NOC2L: variants seen among roughly 807,000 people sequenced by gnomAD.
NOC2L encodes NOC2 like nucleolar associated transcriptional repressor, also known as nucleolar complex protein 2 homolog.
NOC2L carries 101 observed loss-of-function variants against 94.2 expected under a neutral mutation model. The ratio of observed to expected loss-of-function variants is 1.07; its 90% CI spans 0.91 to 1.26. The LOEUF (loss-of-function observed/expected upper bound fraction) is 1.26. NOC2L is among the 50% of genes most tolerant of loss of function. The pLI is 0.00. For synonymous variants in NOC2L, 531 were observed against 413.4 expected (o/e 1.28, Z -3.45); for missense variants, 1,076 against 980.1 (o/e 1.10, Z -1.31).
At chr1:951,795 T>C (rs755005756) in intron 11 of NOC2L, among the ~76,000 whole-genome samples, 2 of 152,246 alleles carry the variant, frequency 1.3e-5, no homozygotes, top group African/African-American at 2.4e-5. Flanking sequence ...GAGGAGCTCA[T>C]GTCACAGGTG....
At position 952,544 on chromosome 1, in the gene NOC2L, GGGGAGGGCACCAGGCGAGGT is replaced by G. The variant is rs1557620216; in HGVS notation, c.1039_1058del (p.Thr347LeufsTer244). The G allele has an allele frequency of 6.2e-7, 1 of 1,613,924 alleles. No homozygotes were observed. Among genetic ancestry groups the G allele is most frequent in the East Asian group, 2.2e-5 (1 of 44,890 alleles). On this transcript the variant is annotated frameshift_variant, in exon 10 of 19. Transcript: ENST00000327044. LOFTEE classifies it high-confidence loss of function. Reference sequence around the variant, plus strand: ...AGGTCCACTGCATGAAACTGATGAAGGGGAGGGCACCAGGCGAGGTGAACTTGCAGTTCCTCACATACGTG... The same window carrying G: ...AGGTCCACTGCATGAAACTGATGAAGGAACTTGCAGTTCCTCACATACGTG...
rs1193545338 is a variant in NOC2L, at chr1:944,478, C to G, written c.*216G>C. On this transcript the variant is annotated 3_prime_UTR_variant, in exon 19 of 19. Coordinates refer to ENST00000327044, the MANE Select transcript of NOC2L (RefSeq NM_015658.4). The stretch of plus-strand genomic sequence containing the variant: ...TCCCCCGCGGAGCTGACTTCAGCAG[C>G]CCACAGCTGTGGGGCTTCAGCAGCC... 24 of 707,378 alleles carry G rather than the reference C, an allele frequency of 3.4e-5. No individual in the cohort carries two copies. The highest frequency in any genetic ancestry group is 5.3e-5 in the Non-Finnish European group (24 of 453,790). The allele number at this position is 707,378 out of a possible 1,614,324, so 43.8% of individuals were successfully genotyped here.
rs142398749 is a variant in NOC2L at position 951,173 on chromosome 1, G to A, written c.1397C>T (p.Ser466Leu). ...MHCIRALTLL[S>L]GSSGAFIPVL... ...CGGGATGAAGGCCCCCGAGCTCCCC[G>A]AGAGCAGCGTCAGGGCACGGATGCA... The change falls in exon 12 of 19, where the codon TCG becomes TTG. Residue 466 changes from serine (S) to leucine (L), a missense_variant. Coordinates refer to ENST00000327044, the MANE Select transcript of NOC2L (RefSeq NM_015658.4). The A allele has an allele frequency of 9.6e-5, 153 of 1,596,828 alleles. 2 individuals carry two copies. Among genetic ancestry groups the A allele is most frequent in the Non-Finnish European group, 1.1e-4 (133 of 1,172,000 alleles).
At chr1:945,186 C>T (rs1408956547) in intron 17 of NOC2L, 40 bp from the exon 18 acceptor site, 1 of 1,552,632 alleles carries the variant, frequency 6.4e-7, no homozygotes. Flanking sequence ...CTCCCACCCA[C>T]AGGGTCCACC....
At chr1:955,035 G>A (rs1224873719) in intron 6 of NOC2L, among the ~76,000 whole-genome samples, 1 of 152,222 alleles carries the variant, frequency 6.6e-6, no homozygotes, top group African/African-American at 2.4e-5. Flanking sequence ...GACCCAGGAG[G>A]CAGCTCTGCT....
chr1:944,859 G>C (rs573006470), intron 18 of NOC2L, 59 bp from the exon 19 acceptor site: 2 of 1,301,424 alleles, frequency 1.5e-6, no homozygotes, highest in East Asian at 2.4e-5. Context: ...GCCAGCCTTA[G>C]AGGTTACTCA....
chr1:947,579 C>T (rs1318164029), intron 14 of NOC2L, among the ~76,000 whole-genome samples: 2 of 152,244 alleles, frequency 1.3e-5, no homozygotes, highest in Non-Finnish European at 2.9e-5. Context: ...TGAGAGCAAA[C>T]AGACCTCCCG....
Position 953,173 on chromosome 1 carries a change from A to G in NOC2L, c.1002+2T>C. 6.2e-7 allele frequency: 1 copy of G among 1,605,712 alleles called. No homozygotes were observed. Among genetic ancestry groups the G allele is most frequent in the Non-Finnish European group, 8.5e-7 (1 of 1,172,836 alleles). ...GGACACAGACGCAGGGCCCACCACT[A>G]CCTTGAGGACGGGGCCAAGGAAAGT... is the stretch of plus-strand genomic sequence containing the variant. On this transcript the variant is annotated splice_donor_variant, in intron 9 of 18. Coordinates refer to ENST00000327044, the MANE Select transcript of NOC2L (RefSeq NM_015658.4). LOFTEE classifies it high-confidence loss of function.
rs553986703 is a variant in NOC2L at position 946,042 on chromosome 1, G to A, written c.1917+131C>T. ...CCAACACCTACCCCCTCTCCAAGTC[G>A]AATCATCCGGGCACGGCCCTGGCCG... On this transcript the variant is annotated intron_variant, in intron 16 of 18. Transcript: ENST00000327044. 32 of 700,764 alleles carry A rather than the reference G, an allele frequency of 4.6e-5. No individual in the cohort carries two copies. The Admixed American group carries it at 5.5e-4, about 12-fold the overall frequency. 43.4% of individuals were successfully genotyped at this position (700,764 alleles called of 1,614,324 possible).
chr1:945,272 G>A, intron 17 of NOC2L, 126 bp from the exon 18 acceptor site: 2 of 1,265,386 alleles, frequency 1.6e-6, no homozygotes, highest in Non-Finnish European at 1.1e-6. Context: ...AGCAGGTGGA[G>A]AGGAGCCCTG....
At position 951,298 on chromosome 1, in the gene NOC2L, C is replaced by G. The variant is rs762094572; in HGVS notation, c.1332-60G>C. The G allele has an allele frequency of 1.4e-4, 188 of 1,322,296 alleles. 1 individual carries two copies. The highest frequency in any genetic ancestry group is 1.9e-4 in the Non-Finnish European group (177 of 939,454). The allele number at this position is 1,322,296 out of a possible 1,614,324, so 81.9% of individuals were successfully genotyped here. A position where few individuals can be genotyped will look rare whatever the true frequency, so the allele number is the denominator to read the frequency against. ...GGCTCTGGCAGCCCCTGCCCCTCCCCCTGCTGTCTTGGACCTCCTCCCCCA... is the reference window on the plus strand; with the variant it reads ...GGCTCTGGCAGCCCCTGCCCCTCCCGCTGCTGTCTTGGACCTCCTCCCCCA... On this transcript the variant is annotated intron_variant, in intron 11 of 18. Transcript: ENST00000327044.
rs2100398065 is a variant in NOC2L at position 957,354 on chromosome 1, CCTTCA to C, written c.180-86_180-82del. ...AGTGGCCTACAGGGTCAGTCTACTC[CCTTCA>C]CAAGGGTTACCAACTAGCAAGACAG... On this transcript the variant is annotated intron_variant, in intron 2 of 18. Coordinates refer to ENST00000327044, the MANE Select transcript of NOC2L (RefSeq NM_015658.4). 3.6e-6 allele frequency: 5 copies of C among 1,406,156 alleles called. No homozygotes were observed. In the South Asian group the frequency reaches 6.3e-5, roughly 18 times the overall value. The allele number at this position is 1,406,156 out of a possible 1,614,324, so 87.1% of individuals were successfully genotyped here. A position where few individuals can be genotyped will look rare whatever the true frequency, so the allele number is the denominator to read the frequency against.
chr1:947,345 C>T (rs1390295236), intron 14 of NOC2L, among the ~76,000 whole-genome samples: 8 of 152,234 alleles, frequency 5.3e-5, no homozygotes, highest in Non-Finnish European at 2.9e-5. Flanking sequence ...GGGGTCCCGG[C>T]TCTGTGCATG....
In NOC2L at chr1:952,614, C is replaced by G; in HGVS notation, c.1003-14G>C. ...GATGTACATTTGCTGCGGAGAGACC[C>G]GGGTCAGAGCCACCTGGGATCAGGG... is the stretch of plus-strand genomic sequence containing the variant. On this transcript the variant is annotated splice_polypyrimidine_tract_variant and intron_variant, in intron 9 of 18. Coordinates refer to ENST00000327044, the MANE Select transcript of NOC2L (RefSeq NM_015658.4). 1.2e-6 allele frequency: 2 copies of G among 1,613,246 alleles called. No individual in the cohort carries two copies. The highest frequency in any genetic ancestry group is 1.7e-6 in the Non-Finnish European group (2 of 1,179,922).
chr1:951,500 T>C (rs1206922782), intron 11 of NOC2L, among the ~76,000 whole-genome samples: 1 of 152,176 alleles, frequency 6.6e-6, no homozygotes, highest in East Asian at 1.9e-4. Context: ...CTTTCCTACT[T>C]CTTCCCTTGG....
chr1:949,638 G>A (rs1263333953), intron 12 of NOC2L, among the ~76,000 whole-genome samples: 2 of 152,250 alleles, frequency 1.3e-5, no homozygotes, highest in East Asian at 1.9e-4. Flanking sequence ...CTGCAAGAGA[G>A]TAAGAAAGCA....
At chr1:952,245 G>T in intron 10 of NOC2L, 106 bp from the exon 11 acceptor site, 3 of 1,442,054 alleles carry the variant, frequency 2.1e-6, no homozygotes, top group South Asian at 2.5e-5. Flanking sequence ...TGCACACGGG[G>T]TCTCAACCCA....
intron 12 of NOC2L, among the ~76,000 whole-genome samples, chr1:949,601 G>A (rs1047305851): frequency 2.6e-5 from 4 of 152,178 alleles, no homozygotes; most frequent in South Asian, 2.1e-4. Flanking sequence ...AGTGAACCAG[G>A]GCAGTGCACA....
In NOC2L at chr1:959,231, C is replaced by T. The variant is rs758258147; in HGVS notation, c.10G>A (p.Ala4Thr). The change falls in exon 1 of 19, where the codon GCG becomes ACG. Residue 4 changes from alanine (A) to threonine (T), a missense_variant. Physicochemically the swap from Ala to Thr is moderately conservative, Grantham distance 58 (BLOSUM62 0). Coordinates refer to ENST00000327044, the MANE Select transcript of NOC2L (RefSeq NM_015658.4). The stretch of plus-strand genomic sequence containing the variant: ...GCGGCTTACCTCTTGCGGCTCCCCG[C>T]AGCTGCCATGACACCAACCCGAAGC... MAAAGSRKRRLAEL... is the reference protein window; with the variant it reads MAATGSRKRRLAEL... 1.9e-6 allele frequency: 3 copies of T among 1,606,994 alleles called. No homozygotes were observed. Among genetic ancestry groups the T allele is most frequent in the South Asian group, 2.2e-5 (2 of 90,512 alleles).
Sources: allele counts gnomAD v4.1 joint callset (sites outside exome capture counted in the v4.1 genomes callset), GRCh38; gene constraint gnomAD v4.1.1; transcripts MANE v1.5; gene names NCBI Gene and HGNC (gene_info 2026-07-23, HGNC 2026-07-21).